GPC4: variants seen among roughly 807,000 people sequenced by gnomAD.
The protein encoded by GPC4 is glypican-4.
GPC4 carries 10 observed loss-of-function variants against 35.0 expected under a neutral mutation model. The ratio of observed to expected loss-of-function variants is 0.29; its 90% CI spans 0.18 to 0.48. GPC4 has a LOEUF of 0.48. Ranked by LOEUF, GPC4 falls within the 20% of genes least tolerant of loss-of-function variation. The pLI is 0.99. For missense variants in GPC4, 322 were observed against 451.3 expected (o/e 0.71, Z 2.60); for synonymous variants, 167 against 170.2 (o/e 0.98, Z 0.15).
intron 1 of GPC4, among the ~76,000 whole-genome samples, chrX:133,393,510 C>A (rs771928703): frequency 8.1e-4 from 84 of 103,104 alleles, no homozygotes; most frequent in Non-Finnish European, 5.2e-4. Context: ...AAAAAAAAAA[C>A]AAAACCTGAA....
chrX:133,394,602 G>A (rs771701659), intron 1 of GPC4, among the ~76,000 whole-genome samples: 1 of 111,370 alleles, frequency 9.0e-6, no homozygotes, highest in Non-Finnish European at 1.9e-5. Flanking sequence ...TCCCCAGTGT[G>A]CAACTTTTTC....
chrX:133,352,860 C>T (rs1416143270), intron 1 of GPC4, among the ~76,000 whole-genome samples: 2 of 111,431 alleles, frequency 1.8e-5, no homozygotes, highest in Non-Finnish European at 3.8e-5. Context: ...ACTGGGCTGC[C>T]ATCCAGCCAC....
chrX:133,334,741 C>G (rs2068434573), intron 2 of GPC4, among the ~76,000 whole-genome samples: 1 of 111,689 alleles, frequency 9.0e-6, no homozygotes, highest in Non-Finnish European at 1.9e-5. Context: ...TGCACTGCCT[C>G]CCATCCAAAG....
intron 3 of GPC4, among the ~76,000 whole-genome samples, chrX:133,319,253 G>A (rs1412967397): frequency 9.2e-6 from 1 of 108,595 alleles, no homozygotes; most frequent in Non-Finnish European, 1.9e-5. Context: ...AGACCAGCCT[G>A]GGCAACATAA....
chrX:133,345,390 C>T (rs749477024), intron 1 of GPC4, among the ~76,000 whole-genome samples: 2 of 112,536 alleles, frequency 1.8e-5, no homozygotes, highest in South Asian at 7.4e-4. Context: ...TGTTAAGAAC[C>T]ATTTCTGACA....
At chrX:133,401,769 C>T (rs1262259816) in intron 1 of GPC4, among the ~76,000 whole-genome samples, 2 of 111,756 alleles carry the variant, frequency 1.8e-5, no homozygotes, top group Non-Finnish European at 3.8e-5. Flanking sequence ...CAAGGCAGAA[C>T]ATTAACCAAC....
intron 1 of GPC4, among the ~76,000 whole-genome samples, chrX:133,410,156 T>G (rs1322046910): frequency 8.9e-6 from 1 of 111,989 alleles, no homozygotes; most frequent in Non-Finnish European, 1.9e-5. Context: ...AATTGTGCCG[T>G]TTTGATGATG....
chrX:133,320,831 G>A (rs1242934733), intron 3 of GPC4, among the ~76,000 whole-genome samples: 1 of 108,840 alleles, frequency 9.2e-6, no homozygotes, highest in African/African-American at 3.3e-5. Context: ...AACACAGCGC[G>A]ACTCTGTCTC....
chrX:133,304,674 C>T lies in GPC4; in HGVS notation c.1292+51G>A, dbSNP rs760974707. Reference sequence around the variant, plus strand: ...TTGAGAGAACCCTCTCTGAAGGTCACCCAGGCATCTAGGAAGGGAGAAACT... The same window carrying T: ...TTGAGAGAACCCTCTCTGAAGGTCATCCAGGCATCTAGGAAGGGAGAAACT... On this transcript the variant is annotated intron_variant, in intron 7 of 8. Coordinates refer to ENST00000370828, the MANE Select transcript of GPC4 (RefSeq NM_001448.3). The T allele has an allele frequency of 3.9e-5, 47 of 1,193,691 alleles. No individual in the cohort carries two copies. The African/African-American group carries it at 5.3e-4, about 13-fold the overall frequency.
In GPC4 at chrX:133,301,352, A is replaced by G. The variant is rs2124100314; in HGVS notation, c.*1515T>C. The G allele has an allele frequency of 8.9e-6, 1 of 112,827 alleles. No homozygotes were observed. Among genetic ancestry groups the G allele is most frequent in the South Asian group, 3.7e-4 (1 of 2,738 alleles). 9.3% of individuals were successfully genotyped at this position (112,827 alleles called of 1,213,427 possible). A position where few individuals can be genotyped will look rare whatever the true frequency, so the allele number is the denominator to read the frequency against. On this transcript the variant is annotated 3_prime_UTR_variant, in exon 9 of 9. Transcript: ENST00000370828. The stretch of plus-strand genomic sequence containing the variant: ...AGACAGAATTTTAGTCTTTCTGAAG[A>G]CTTCTGGGAACTCCTTTGAAAGTGA...
chrX:133,327,195 G>C (rs1435783003), intron 2 of GPC4, among the ~76,000 whole-genome samples: 1 of 111,740 alleles, frequency 8.9e-6, no homozygotes, highest in Non-Finnish European at 1.9e-5. Context: ...AGCAGAAATT[G>C]GACATTCAGA....
intron 3 of GPC4, among the ~76,000 whole-genome samples, chrX:133,312,006 C>T (rs1003698769): frequency 1.8e-5 from 2 of 111,740 alleles, no homozygotes; most frequent in African/African-American, 6.5e-5. Flanking sequence ...TTAATATATT[C>T]TACAAGGCAG....
At chrX:133,305,978 C>A (rs766411379) in intron 5 of GPC4, 46 bp downstream of exon 5, 1 of 1,209,194 alleles carries the variant, frequency 8.3e-7, no homozygotes, top group South Asian at 1.8e-5. Flanking sequence ...GAGGCGGAGG[C>A]GGGGGAGGTC....
chrX:133,374,116 T>C (rs1427917187), intron 1 of GPC4, among the ~76,000 whole-genome samples: 3 of 111,187 alleles, frequency 2.7e-5, no homozygotes, highest in Non-Finnish European at 3.8e-5. Context: ...GTATATGAAT[T>C]ATATATCAGT....
chrX:133,302,804 T>C lies in GPC4; in HGVS notation c.*63A>G, dbSNP rs2068272078. 1 of 1,073,248 alleles carries C rather than the reference T, an allele frequency of 9.3e-7. No homozygotes were observed. The allele number at this position is 1,073,248 out of a possible 1,213,427, so 88.4% of individuals were successfully genotyped here. ...TTAAAAAGCAAAGTCACTAGGATGG[T>C]AGAAAAGTGATAACTGGTGCCTTTT... On this transcript the variant is annotated 3_prime_UTR_variant, in exon 9 of 9. Coordinates refer to ENST00000370828, the MANE Select transcript of GPC4 (RefSeq NM_001448.3).
intron 1 of GPC4, among the ~76,000 whole-genome samples, chrX:133,371,041 G>A (rs780213024): frequency 3.6e-5 from 4 of 111,956 alleles, no homozygotes; most frequent in South Asian, 7.5e-4. Flanking sequence ...TAATATGCGC[G>A]TCTCTGTGGG....
At chrX:133,316,956 G>A (rs765893384) in intron 3 of GPC4, among the ~76,000 whole-genome samples, 31 of 112,096 alleles carry the variant, frequency 2.8e-4, no homozygotes, top group Non-Finnish European at 5.3e-4. Flanking sequence ...TACGTAATGT[G>A]CATAAAAATA....
intron 1 of GPC4, among the ~76,000 whole-genome samples, chrX:133,391,603 A>C (rs1276303903): frequency 4.5e-5 from 5 of 112,232 alleles, no homozygotes; most frequent in Non-Finnish European, 7.5e-5. Flanking sequence ...AACAATACCC[A>C]AAAAAATTGC....
chrX:133,320,898 C>T (rs753058767), intron 3 of GPC4, among the ~76,000 whole-genome samples: 1 of 108,850 alleles, frequency 9.2e-6, no homozygotes, highest in South Asian at 4.0e-4. Context: ...ATTACCCAGG[C>T]ATGATGGCGC....
Sources: allele counts gnomAD v4.1 joint callset (sites outside exome capture counted in the v4.1 genomes callset), GRCh38; gene constraint gnomAD v4.1.1; transcripts MANE v1.5; gene names NCBI Gene and HGNC (gene_info 2026-07-23, HGNC 2026-07-21).